The following UGT1A7 variants were observed in gnomAD, a reference collection of about 807,000 sequenced individuals.
UGT1A7 encodes UDP-glucuronosyltransferase 1A7.
UGT1A7 carries 33 observed loss-of-function variants against 45.6 expected under a neutral mutation model. The ratio of observed to expected loss-of-function variants is 0.72; its 90% CI spans 0.55 to 0.97. The LOEUF (loss-of-function observed/expected upper bound fraction) is 0.97. UGT1A7 is among the 50% of genes least tolerant of loss of function. The probability of loss-of-function intolerance (pLI) is 0.00; values close to 1 mark genes in which losing one functional copy is unlikely to be tolerated. For missense variants in UGT1A7, 684 were observed against 666.2 expected (o/e 1.03, Z -0.29); for synonymous variants, 274 against 250.6 (o/e 1.09, Z -0.88).
chr2:233,698,618 C>A (rs1394029737), intron 1 of UGT1A7, among the ~76,000 whole-genome samples: 6 of 152,174 alleles, frequency 3.9e-5, no homozygotes, highest in Non-Finnish European at 7.4e-5. Flanking sequence ...CAGTGGAATT[C>A]AATTTTGCCT....
chr2:233,733,086 T>G (rs2078354195), intron 1 of UGT1A7, among the ~76,000 whole-genome samples: 1 of 152,184 alleles, frequency 6.6e-6, no homozygotes, highest in Admixed American at 6.5e-5. Flanking sequence ...TGAATGGGAG[T>G]TCACTCATGG....
chr2:233,767,728 C>A, intron 2 of UGT1A7, 121 bp from the exon 3 acceptor site: 1 of 1,556,454 alleles, frequency 6.4e-7, no homozygotes, highest in Non-Finnish European at 8.7e-7. Context: ...AGTTACTGAT[C>A]CTCCCACTCT....
chr2:233,771,982 G>T (rs1700430504), intron 4 of UGT1A7, among the ~76,000 whole-genome samples: 2 of 152,206 alleles, frequency 1.3e-5, no homozygotes, highest in South Asian at 4.1e-4. Context: ...AGACATAGTG[G>T]TGCATGACTA....
intron 1 of UGT1A7, chr2:233,713,770 A>C: frequency 1.9e-6 from 3 of 1,613,732 alleles, no homozygotes; most frequent in Non-Finnish European, 2.5e-6. Flanking sequence ...TTCCGAGGGG[A>C]CTTTGTGATG....
At chr2:233,747,328 A>C in intron 1 of UGT1A7, 1 of 1,603,802 alleles carries the variant, frequency 6.2e-7, no homozygotes, top group African/African-American at 1.3e-5. Flanking sequence ...CATTGATGGC[A>C]GCCACTGGCT....
At chr2:233,765,894 C>A (rs527736361) in intron 1 of UGT1A7, among the ~76,000 whole-genome samples, 1 of 152,060 alleles carries the variant, frequency 6.6e-6, no homozygotes, top group Non-Finnish European at 1.5e-5. Flanking sequence ...CAGTGCGCCA[C>A]TGCTCAAACC....
At chr2:233,706,646 C>T (rs1489245127) in intron 1 of UGT1A7, among the ~76,000 whole-genome samples, 1 of 152,072 alleles carries the variant, frequency 6.6e-6, no homozygotes, top group Non-Finnish European at 1.5e-5. Flanking sequence ...GTGTCTGTGC[C>T]CCATCACTGT....
chr2:233,757,137 G>T (rs1343266624), intron 1 of UGT1A7, among the ~76,000 whole-genome samples: 1 of 151,428 alleles, frequency 6.6e-6, no homozygotes, highest in Non-Finnish European at 1.5e-5. Flanking sequence ...AATGAGCTTG[G>T]ACAGGTGGGC....
At chr2:233,759,598 G>T (rs1449245871) in intron 1 of UGT1A7, among the ~76,000 whole-genome samples, 1 of 32,538 alleles carries the variant, frequency 3.1e-5, no homozygotes, top group Non-Finnish European at 7.1e-5. Flanking sequence ...CCCCACCCCC[G>T]ACCCGCCCCA....
intron 1 of UGT1A7, chr2:233,729,685 T>C (rs1293517562): frequency 6.2e-7 from 1 of 1,613,978 alleles, no homozygotes; most frequent in Admixed American, 1.7e-5. Context: ...GGGCACACAG[T>C]GTCCAAACCC....
At chr2:233,742,666 A>G (rs1212391572) in intron 1 of UGT1A7, 1 of 152,150 alleles carries the variant, frequency 6.6e-6, no homozygotes, top group African/African-American at 2.4e-5. Context: ...TGTAACCCCA[A>G]GGTTTGTCCT....
chr2:233,689,417 T>C (rs2074941535), intron 1 of UGT1A7, among the ~76,000 whole-genome samples: 1 of 152,226 alleles, frequency 6.6e-6, no homozygotes, highest in East Asian at 1.9e-4. Context: ...ATCTCTCTAA[T>C]GGCTTGCAAG....
chr2:233,729,614 A>G, intron 1 of UGT1A7: 1 of 1,614,008 alleles, frequency 6.2e-7, no homozygotes, highest in Non-Finnish European at 8.5e-7. Flanking sequence ...GTGCTGGCTA[A>G]GTACCTGTCG....
chr2:233,693,271 C>T, intron 1 of UGT1A7: 2 of 1,614,100 alleles, frequency 1.2e-6, no homozygotes, highest in Non-Finnish European at 1.7e-6. Context: ...AGCTGAAGAA[C>T]CGTTACCAAT....
intron 1 of UGT1A7, among the ~76,000 whole-genome samples, chr2:233,757,561 T>C (rs1218840720): frequency 8.3e-6 from 1 of 121,180 alleles, no homozygotes; most frequent in Non-Finnish European, 1.7e-5. Context: ...TATATATATA[T>C]GTATATATGA....
At chr2:233,737,845 C>A (rs993893058) in intron 1 of UGT1A7, among the ~76,000 whole-genome samples, 6 of 152,132 alleles carry the variant, frequency 3.9e-5, no homozygotes, top group Admixed American at 6.5e-5. Context: ...TGGCACAGGT[C>A]ACTCTTGCTA....
At chr2:233,730,104 T>G in intron 1 of UGT1A7, 1 of 1,577,736 alleles carries the variant, frequency 6.3e-7, no homozygotes, top group Non-Finnish European at 8.6e-7. Flanking sequence ...ATATTTCATT[T>G]CTGCTTCTCC....
At chr2:233,711,952 C>A (rs2076206674) in intron 1 of UGT1A7, among the ~76,000 whole-genome samples, 1 of 152,208 alleles carries the variant, frequency 6.6e-6, no homozygotes, top group Non-Finnish European at 1.5e-5. Context: ...ACGTTTAATT[C>A]TCCATTTTGA....
intron 1 of UGT1A7, chr2:233,717,787 T>G (rs749121467): frequency 2.2e-6 from 1 of 456,322 alleles, no homozygotes; most frequent in Admixed American, 2.3e-5. Flanking sequence ...ATTTTGAAAT[T>G]TGAAGTAGTG....
Sources: gnomAD v4.1 joint callset for allele counts (sites outside exome capture counted in the v4.1 genomes callset) on GRCh38, gnomAD v4.1.1 for gene constraint, MANE v1.5 for transcripts, NCBI Gene and HGNC (gene_info 2026-07-23, HGNC 2026-07-21) for gene names.